The following XYLT1 variants were observed in gnomAD, a reference collection of about 807,000 sequenced individuals.
XYLT1 encodes the protein beta-D-xylosyltransferase 1.
A neutral mutation model predicts 91.3 loss-of-function variants in XYLT1; 36 were observed. That is an observed-to-expected ratio of 0.39 (90% CI 0.30 to 0.52). The LOEUF is 0.52. Ranked by LOEUF, XYLT1 falls within the 20% of genes least tolerant of loss-of-function variation. The pLI is 0.68. For synonymous variants in XYLT1, 588 were observed against 532.0 expected (o/e 1.11, Z -1.45); for missense variants, 1,242 against 1,284.5 (o/e 0.97, Z 0.51).
intron 2 of XYLT1, among the ~76,000 whole-genome samples, chr16:17,276,051 G>C (rs1208101657): frequency 6.6e-6 from 1 of 152,184 alleles, no homozygotes; most frequent in Non-Finnish European, 1.5e-5. Context: ...GGAACCATTT[G>C]GGGTGGGGAG....
rs182282753 is a variant in XYLT1, at chr16:17,180,968, G to C, written c.1289+17244C>G. ...GCCACCAGGGGAGGGTCAGAGGCAG[G>C]CCACTTGAGCATGGGGATGGGGTGA... On this transcript the variant is annotated intron_variant, in intron 5 of 11. Transcript: ENST00000261381. 2.4e-4 allele frequency among the ~76,000 whole-genome samples: 37 copies of C among 152,310 alleles called. 1 individual carries two copies. The East Asian group carries it at 6.4e-3, about 26-fold the overall frequency.
chr16:17,140,658 CAAAAAAAAAAAAAAAA>C (rs71137974), intron 7 of XYLT1, among the ~76,000 whole-genome samples: 16 of 68,028 alleles, frequency 2.4e-4, no homozygotes, highest in South Asian at 1.4e-3. Context: ...AAGACTGTCT[CAAAAAAAAAAAAAAAA>C]AAAAAAAAAA....
intron 3 of XYLT1, among the ~76,000 whole-genome samples, chr16:17,215,480 G>A (rs2032837747): frequency 6.6e-6 from 1 of 152,222 alleles, no homozygotes; most frequent in Non-Finnish European, 1.5e-5. Context: ...TCGGCCATCT[G>A]CAAGCCAGGA....
intron 5 of XYLT1, among the ~76,000 whole-genome samples, chr16:17,179,821 A>G (rs1357472988): frequency 6.6e-6 from 1 of 152,324 alleles, no homozygotes; most frequent in Non-Finnish European, 1.5e-5. Context: ...TGGGCTGAAC[A>G]TGTTCCTATT....
At chr16:17,436,890 A>G (rs2036465602) in intron 1 of XYLT1, among the ~76,000 whole-genome samples, 1 of 152,220 alleles carries the variant, frequency 6.6e-6, no homozygotes, top group African/African-American at 2.4e-5. Context: ...GACTTATTCC[A>G]TTCACTGGGT....
At chr16:17,352,295 A>G (rs2035233470) in intron 2 of XYLT1, among the ~76,000 whole-genome samples, 1 of 152,182 alleles carries the variant, frequency 6.6e-6, no homozygotes, top group Admixed American at 6.5e-5. Context: ...TCAGCATAAC[A>G]TTGCTAAGAT....
intron 3 of XYLT1, among the ~76,000 whole-genome samples, chr16:17,247,601 GTT>G (rs2033460710): frequency 6.6e-6 from 1 of 152,182 alleles, no homozygotes; most frequent in African/African-American, 2.4e-5. Flanking sequence ...TGTGCAATCT[GTT>G]TTATAGGAAA....
At chr16:17,229,130 C>T (rs1018809699) in intron 3 of XYLT1, among the ~76,000 whole-genome samples, 19 of 152,128 alleles carry the variant, frequency 1.2e-4, no homozygotes, top group Admixed American at 3.3e-4. Context: ...CCACCAAGCC[C>T]GGCTAATTTT....
chr16:17,177,439 G>A (rs923005412), intron 5 of XYLT1, among the ~76,000 whole-genome samples: 1 of 152,176 alleles, frequency 6.6e-6, no homozygotes, highest in Non-Finnish European at 1.5e-5. Flanking sequence ...ATGTCATGAA[G>A]ATGTCATTAT....
At chr16:17,115,826 GAC>G (rs1478189195) in intron 11 of XYLT1, among the ~76,000 whole-genome samples, 4 of 34,504 alleles carry the variant, frequency 1.2e-4, no homozygotes, top group African/African-American at 3.4e-4. Flanking sequence ...AAAAAAAAAA[GAC>G]TTTTCCTTGC....
chr16:17,279,568 T>C (rs982822361), intron 2 of XYLT1, among the ~76,000 whole-genome samples: 2 of 152,222 alleles, frequency 1.3e-5, no homozygotes, highest in South Asian at 4.2e-4. Context: ...CCTAGAAAAT[T>C]GGCTGACAAT....
At chr16:17,183,199 T>C (rs2032108820) in intron 5 of XYLT1, among the ~76,000 whole-genome samples, 1 of 152,200 alleles carries the variant, frequency 6.6e-6, no homozygotes, top group Non-Finnish European at 1.5e-5. Flanking sequence ...GTTCTATATG[T>C]CATCTTACTG....
intron 6 of XYLT1, among the ~76,000 whole-genome samples, chr16:17,155,545 G>T (rs934771078): frequency 6.6e-6 from 1 of 152,198 alleles, no homozygotes; most frequent in Non-Finnish European, 1.5e-5. Context: ...CCCAGCTCTG[G>T]TCACTTGGGA....
chr16:17,211,359 C>T (rs771998104), intron 3 of XYLT1, among the ~76,000 whole-genome samples: 1 of 152,154 alleles, frequency 6.6e-6, no homozygotes, highest in Non-Finnish European at 1.5e-5. Context: ...TTTGATCTTT[C>T]TGGATGAGGG....
chr16:17,237,359 C>T (rs1037421548), intron 3 of XYLT1, among the ~76,000 whole-genome samples: 1 of 152,166 alleles, frequency 6.6e-6, no homozygotes, highest in Non-Finnish European at 1.5e-5. Context: ...ACTTTTCTCA[C>T]CCCACAAGTT....
At position 17,259,046 on chromosome 16, in the gene XYLT1, G is replaced by A. The variant is rs1363584827; in HGVS notation, c.855C>T (p.Cys285=). 3 of 1,516,062 alleles carry A rather than the reference G, an allele frequency of 2.0e-6. No individual in the cohort carries two copies. Among genetic ancestry groups the A allele is most frequent in the Non-Finnish European group, 2.6e-6 (3 of 1,132,456 alleles). The allele number at this position is 1,516,062 out of a possible 1,614,324, so 93.9% of individuals were successfully genotyped here. Residue 285 remains cysteine, a synonymous_variant, in exon 3 of 12, where the codon TGC becomes TGT. Coordinates refer to ENST00000261381, the MANE Select transcript of XYLT1 (RefSeq NM_022166.4). ...HCRQEIGETY[C]RHKLGLLMPE... ...GCATCAGCAGCCCTAACTTGTGGCGGCAGTAAGTCTCCCCAATCTCCTGGC... is the reference window on the plus strand; with the variant it reads ...GCATCAGCAGCCCTAACTTGTGGCGACAGTAAGTCTCCCCAATCTCCTGGC...
rs1378809938 is a variant in XYLT1, at chr16:17,250,505, T to C, written c.913+8483A>G. 5.3e-5 allele frequency: 8 copies of C among 152,234 alleles called. No homozygotes were observed. In the East Asian group the frequency reaches 1.5e-3, roughly 29 times the overall value. The allele number at this position is 152,234 out of a possible 1,614,324, so 9.4% of individuals were successfully genotyped here. A position where few individuals can be genotyped will look rare whatever the true frequency, so the allele number is the denominator to read the frequency against. On this transcript the variant is annotated intron_variant, in intron 3 of 11. Coordinates refer to ENST00000261381, the MANE Select transcript of XYLT1 (RefSeq NM_022166.4). Reference sequence around the variant, plus strand: ...AGTTGAATAGCTGAGACAGAGACCATGCATTTTACAAAGTCCCAAATATTT... The same window carrying C: ...AGTTGAATAGCTGAGACAGAGACCACGCATTTTACAAAGTCCCAAATATTT...
chr16:17,237,076 C>G (rs188084604), intron 3 of XYLT1, among the ~76,000 whole-genome samples: 3 of 152,146 alleles, frequency 2.0e-5, no homozygotes, highest in African/African-American at 4.8e-5. Context: ...CAGAAAGTAA[C>G]GTAAAGAACA....
intron 2 of XYLT1, among the ~76,000 whole-genome samples, chr16:17,287,939 C>CTTT (rs34525791): frequency 0.016 from 2,284 of 144,672 alleles, 91 homozygotes; most frequent in Admixed American, 0.1. Context: ...CATAATTTTT[C>CTTT]TTTTTTTTTT....
Sources: allele counts gnomAD v4.1 joint callset (sites outside exome capture counted in the v4.1 genomes callset), GRCh38; gene constraint gnomAD v4.1.1; transcripts MANE v1.5; gene names NCBI Gene and HGNC (gene_info 2026-07-23, HGNC 2026-07-21).